KCNMB4: variants seen among roughly 807,000 people sequenced by gnomAD.
KCNMB4 encodes the protein potassium calcium-activated channel subfamily M regulatory beta subunit 4.
In KCNMB4, 3 loss-of-function variants were observed where a neutral mutation model predicts 20.7. The observed-to-expected ratio is 0.14, with a 90% CI of 0.07 to 0.37. KCNMB4 has a LOEUF of 0.37. Ranked by LOEUF, KCNMB4 falls within the 10% of genes least tolerant of loss-of-function variation. The pLI is 1.00. For synonymous variants in KCNMB4, 110 were observed against 113.4 expected, an observed-to-expected ratio of 0.97 and a Z score of 0.19; for missense variants, 168 against 265.9, an observed-to-expected ratio of 0.63 and a Z score of 2.56.
At chr12:70,372,528 T>C (rs2136114603) in intron 1 of KCNMB4, among the ~76,000 whole-genome samples, 1 of 152,134 alleles carries the variant, frequency 6.6e-6, no homozygotes. Context: ...GAATTGGATA[T>C]GAGGAATGAG....
chr12:70,412,175 T>C (rs1011265942), intron 2 of KCNMB4, among the ~76,000 whole-genome samples: 8 of 152,240 alleles, frequency 5.3e-5, no homozygotes, highest in Admixed American at 2.0e-4. Flanking sequence ...CTTTCTGTCC[T>C]GGGTAACTGT....
At chr12:70,376,207 A>G (rs1185990517) in intron 1 of KCNMB4, among the ~76,000 whole-genome samples, 1 of 151,870 alleles carries the variant, frequency 6.6e-6, no homozygotes, top group African/African-American at 2.4e-5. Context: ...AACCTGAAAA[A>G]GGACACCTAT....
In KCNMB4 at chr12:70,380,838, T is replaced by C. The variant is rs143029179; in HGVS notation, c.336+13768T>C. 3.7e-3 allele frequency among the ~76,000 whole-genome samples: 564 copies of C among 152,274 alleles called. 2 individuals are homozygous for C. Among genetic ancestry groups the C allele is most frequent in the Non-Finnish European group, 6.2e-3 (420 of 68,014 alleles). On this transcript the variant is annotated intron_variant, in intron 1 of 2. Coordinates refer to ENST00000258111, the MANE Select transcript of KCNMB4 (RefSeq NM_014505.6). ...GGATGGGAGACCTAAATATAAGTGC[T>C]AAAACTTTAATGCTTGAATATGATA...
chr12:70,411,240 G>A lies in KCNMB4; in HGVS notation c.464+10904G>A, dbSNP rs76580842. Among the ~76,000 whole-genome samples, 108 of 152,168 alleles carry A rather than the reference G, an allele frequency of 7.1e-4. 2 individuals are homozygous for A. In the East Asian group the frequency reaches 0.019, roughly 26 times the overall value. On this transcript the variant is annotated intron_variant, in intron 2 of 2. Transcript: ENST00000258111. ...AAAATCCTAATGGTGAAAGGGAGAG[G>A]CAATTAGTAAAGAAATAAATGGTTA...
chr12:70,429,812 A>G (rs1469083005), intron 2 of KCNMB4, among the ~76,000 whole-genome samples: 2 of 152,162 alleles, frequency 1.3e-5, no homozygotes, highest in East Asian at 1.9e-4. Context: ...AGAGCCTCAC[A>G]TTGACAAGAC....
At chr12:70,403,420 C>T (rs1332066028) in intron 2 of KCNMB4, among the ~76,000 whole-genome samples, 1 of 152,082 alleles carries the variant, frequency 6.6e-6, no homozygotes, top group Non-Finnish European at 1.5e-5. Flanking sequence ...GCAACCTCTG[C>T]CTCTCAGGTT....
rs771540859 is a variant in KCNMB4, at chr12:70,366,857, T to A, written c.123T>A (p.Ser41Arg). Reference protein sequence around the residue: ...SLFIFGFCWLSPALQDLQATE... With the variant: ...SLFIFGFCWLRPALQDLQATE... ...TCATCTTCGGCTTCTGCTGGCTGAG[T>A]CCCGCGCTGCAGGATCTGCAAGCCA... Residue 41 changes from serine to arginine, a missense_variant, in exon 1 of 3, where the codon AGT (serine) becomes AGA (arginine). Physicochemically the swap from Ser to Arg is moderately radical, Grantham distance 110. Transcript: ENST00000258111. 1 of 1,612,768 alleles carries A rather than the reference T, an allele frequency of 6.2e-7. No individual in the cohort carries two copies.
chr12:70,404,521 T>G (rs1406922794), intron 2 of KCNMB4, among the ~76,000 whole-genome samples: 1 of 152,194 alleles, frequency 6.6e-6, no homozygotes, highest in African/African-American at 2.4e-5. Context: ...CACACAACTG[T>G]TAAGTGCAAA....
chr12:70,399,156 C>T (rs931205465), intron 1 of KCNMB4, among the ~76,000 whole-genome samples: 4 of 152,208 alleles, frequency 2.6e-5, no homozygotes, highest in African/African-American at 9.6e-5. Context: ...CATGCTAAAA[C>T]ATTTCAGTTT....
chr12:70,421,470 G>T (rs113399681), intron 2 of KCNMB4, among the ~76,000 whole-genome samples: 4 of 75,666 alleles, frequency 5.3e-5, no homozygotes, highest in Admixed American at 5.0e-4. Context: ...TCTCAAAAAA[G>T]AAAAAAAAAA....
Position 70,411,423 on chromosome 12 carries a change from T to C in KCNMB4, c.464+11087T>C, listed in dbSNP as rs147064053. On this transcript the variant is annotated intron_variant, in intron 2 of 2. Coordinates refer to ENST00000258111, the MANE Select transcript of KCNMB4 (RefSeq NM_014505.6). Reference sequence around the variant, plus strand: ...AATGTGTAATGCATTTTTAGGAAGATTTTTACCAATAATATTTTAATATTT... The same window carrying C: ...AATGTGTAATGCATTTTTAGGAAGACTTTTACCAATAATATTTTAATATTT... Among the ~76,000 whole-genome samples, 408 of 152,316 alleles carry C rather than the reference T, an allele frequency of 2.7e-3. 1 individual carries two copies. The highest frequency in any genetic ancestry group is 9.3e-3 in the African/African-American group (387 of 41,570).
rs113141604 is a variant in KCNMB4, at chr12:70,410,317, T to C, written c.464+9981T>C. On this transcript the variant is annotated intron_variant, in intron 2 of 2. Transcript: ENST00000258111. The stretch of plus-strand genomic sequence containing the variant: ...TATTATTAAGATTCACCTCAAATGT[T>C]ACTGTGTAACCTTCTCCCACCTTTT... 5.4e-4 allele frequency among the ~76,000 whole-genome samples: 82 copies of C among 152,390 alleles called. 1 individual carries two copies. Among genetic ancestry groups the C allele is most frequent in the African/African-American group, 1.9e-3 (77 of 41,596 alleles).
At chr12:70,384,873 C>CAAAAAAAAAAAAAAAAAAAAAA (rs57306622) in intron 1 of KCNMB4, among the ~76,000 whole-genome samples, 2 of 74,330 alleles carry the variant, frequency 2.7e-5, no homozygotes, top group African/African-American at 1.0e-4. Flanking sequence ...GACCCTGTCT[C>CAAAAAAAAAAAAAAAAAAAAAA]AAAAAAAAAA....
chr12:70,431,506 A>ATTTT lies in KCNMB4; in HGVS notation c.*865_*868dup. On this transcript the variant is annotated 3_prime_UTR_variant, in exon 3 of 3. Transcript: ENST00000258111. ...TTCAGCTTAGTGAAACGCTGTTTTC[A>ATTTT]TTTTTTTTTTTTTTTGTAGGTCAGA... 1 of 140,578 alleles carries ATTTT rather than the reference A, an allele frequency of 7.1e-6. No homozygotes were observed. Among genetic ancestry groups the ATTTT allele is most frequent in the Non-Finnish European group, 1.5e-5 (1 of 64,530 alleles). 8.7% of individuals were successfully genotyped at this position (140,578 alleles called of 1,614,324 possible).
At chr12:70,417,013 C>T (rs1290487912) in intron 2 of KCNMB4, among the ~76,000 whole-genome samples, 1 of 152,142 alleles carries the variant, frequency 6.6e-6, no homozygotes, top group South Asian at 2.1e-4. Context: ...TTTCCCTTCA[C>T]CCAGGATATA....
chr12:70,404,226 C>G (rs1210604772), intron 2 of KCNMB4, among the ~76,000 whole-genome samples: 1 of 149,746 alleles, frequency 6.7e-6, no homozygotes, highest in Non-Finnish European at 1.5e-5. Context: ...GTCATATAGG[C>G]AATAAAAATT....
At chr12:70,378,922 G>C (rs1199401844) in intron 1 of KCNMB4, among the ~76,000 whole-genome samples, 2 of 152,134 alleles carry the variant, frequency 1.3e-5, no homozygotes, top group African/African-American at 2.4e-5. Flanking sequence ...ATGTTAGCAG[G>C]CATGAAAACA....
chr12:70,418,625 C>G (rs1269376533), intron 2 of KCNMB4, among the ~76,000 whole-genome samples: 1 of 151,950 alleles, frequency 6.6e-6, no homozygotes, highest in Non-Finnish European at 1.5e-5. Context: ...ATTAATCCTT[C>G]CAGAGTTTGT....
intron 1 of KCNMB4, among the ~76,000 whole-genome samples, chr12:70,390,742 A>G (rs143689497): frequency 3.9e-4 from 59 of 152,298 alleles, no homozygotes; most frequent in African/African-American, 1.1e-3. Flanking sequence ...TGAAGACGCT[A>G]TACTTTCAGG....
Sources: allele counts gnomAD v4.1 joint callset (sites outside exome capture counted in the v4.1 genomes callset), GRCh38; gene constraint gnomAD v4.1.1; transcripts MANE v1.5; gene names NCBI Gene and HGNC (gene_info 2026-07-23, HGNC 2026-07-21).